The following PAPPA2 variants were observed in gnomAD, a reference collection of about 807,000 sequenced individuals.
The protein encoded by PAPPA2 is pappalysin 2, also known as pappalysin-2.
Under a neutral mutation model 176.4 loss-of-function variants are expected in PAPPA2, and 86 were observed. The ratio of observed to expected loss-of-function variants is 0.49; its 90% CI spans 0.41 to 0.58. The LOEUF (loss-of-function observed/expected upper bound fraction) is 0.58, where lower values mean the gene tolerates loss of function less well. Ranked by LOEUF, PAPPA2 falls within the 20% of genes least tolerant of loss-of-function variation. The probability of loss-of-function intolerance (pLI) is 0.00; values close to 1 mark genes in which losing one functional copy is unlikely to be tolerated. For synonymous variants in PAPPA2, 809 were observed against 852.2 expected, an observed-to-expected ratio of 0.95 and a Z score of 0.88; for missense variants, 2,073 against 2,256.9, an observed-to-expected ratio of 0.92 and a Z score of 1.65.
chr1:176,560,407 C>G (rs1573042230), intron 2 of PAPPA2, among the ~76,000 whole-genome samples: 1 of 152,236 alleles, frequency 6.6e-6, no homozygotes, highest in Admixed American at 6.5e-5. Context: ...GAACGTCTCT[C>G]TGGCCCTCAG....
At chr1:176,805,991 CAAAA>C (rs11439850) in intron 21 of PAPPA2, among the ~76,000 whole-genome samples, 1 of 76,636 alleles carries the variant, frequency 1.3e-5, no homozygotes. Flanking sequence ...CTGTCTCTCT[CAAAA>C]AAAAAAAAAA....
At chr1:176,566,457 G>C (rs1282270097) in intron 2 of PAPPA2, among the ~76,000 whole-genome samples, 1 of 151,888 alleles carries the variant, frequency 6.6e-6, no homozygotes, top group Non-Finnish European at 1.5e-5. Flanking sequence ...GCATCTCAGG[G>C]AGACAATGCA....
chr1:176,545,621 C>T (rs2102572836), intron 1 of PAPPA2, among the ~76,000 whole-genome samples: 1 of 152,052 alleles, frequency 6.6e-6, no homozygotes, highest in East Asian at 1.9e-4. Context: ...GGTTATATGC[C>T]AATACTACAT....
chr1:176,812,160 C>G (rs1288531847), intron 21 of PAPPA2, among the ~76,000 whole-genome samples: 2 of 151,636 alleles, frequency 1.3e-5, no homozygotes, highest in South Asian at 2.1e-4. Context: ...TCTGTTATCC[C>G]TTTTTCCTCC....
intron 2 of PAPPA2, among the ~76,000 whole-genome samples, chr1:176,579,947 A>G (rs1265514858): frequency 6.6e-6 from 1 of 152,254 alleles, no homozygotes; most frequent in Non-Finnish European, 1.5e-5. Context: ...TGAAGTATGT[A>G]GTGATCAAAT....
chr1:176,702,770 TGTGTGTGAGA>T, intron 9 of PAPPA2, 35 bp downstream of exon 9: 1 of 1,573,010 alleles, frequency 6.4e-7, no homozygotes, highest in African/African-American at 1.4e-5. Flanking sequence ...TGTGTGTGTG[TGTGTGTGAGA>T]GAGAGAGAGA....
intron 3 of PAPPA2, among the ~76,000 whole-genome samples, chr1:176,629,785 A>G (rs1400383239): frequency 1.3e-5 from 2 of 152,244 alleles, no homozygotes; most frequent in Non-Finnish European, 2.9e-5. Flanking sequence ...AAGGACAAAC[A>G]TAACTATTTT....
At chr1:176,570,694 G>C (rs1042432470) in intron 2 of PAPPA2, among the ~76,000 whole-genome samples, 5 of 150,266 alleles carry the variant, frequency 3.3e-5, no homozygotes, top group Non-Finnish European at 7.4e-5. Flanking sequence ...GCCATGGCTG[G>C]TCCCTGGCTG....
At chr1:176,772,582 T>C (rs1032197434) in intron 17 of PAPPA2, among the ~76,000 whole-genome samples, 2 of 152,090 alleles carry the variant, frequency 1.3e-5, no homozygotes, top group East Asian at 1.9e-4. Context: ...ACCAAGCCCA[T>C]ACCCTGCCCT....
At chr1:176,600,112 G>GACAC (rs1216819832) in intron 3 of PAPPA2, among the ~76,000 whole-genome samples, 2 of 152,132 alleles carry the variant, frequency 1.3e-5, no homozygotes, top group East Asian at 3.8e-4. Context: ...TAAGCAGAGG[G>GACAC]ACACACGTAA....
At chr1:176,658,433 GAAGT>G (rs2102754354) in intron 3 of PAPPA2, among the ~76,000 whole-genome samples, 1 of 152,012 alleles carries the variant, frequency 6.6e-6, no homozygotes, top group South Asian at 2.1e-4. Context: ...TAAATATCTA[GAAGT>G]AAGATCTTTA....
intron 12 of PAPPA2, among the ~76,000 whole-genome samples, chr1:176,736,276 C>T (rs1170352490): frequency 1.3e-5 from 2 of 151,828 alleles, no homozygotes; most frequent in Non-Finnish European, 2.9e-5. Context: ...GCTTGTCTTT[C>T]ATGTCTAGGA....
chr1:176,700,736 G>C (rs1558528918), intron 8 of PAPPA2, among the ~76,000 whole-genome samples: 3 of 152,152 alleles, frequency 2.0e-5, no homozygotes. Flanking sequence ...AGACTCAATG[G>C]GTGGCGAAAT....
chr1:176,543,872 A>T (rs1650491452), intron 1 of PAPPA2, among the ~76,000 whole-genome samples: 1 of 151,958 alleles, frequency 6.6e-6, no homozygotes, highest in Non-Finnish European at 1.5e-5. Context: ...GAAGTGGGCC[A>T]TCTCTCTTTC....
intron 12 of PAPPA2, among the ~76,000 whole-genome samples, chr1:176,737,441 G>T (rs1294495337): frequency 2.0e-5 from 3 of 152,054 alleles, no homozygotes; most frequent in Non-Finnish European, 4.4e-5. Context: ...ACACTTTCTT[G>T]TGCTAGTTGC....
intron 17 of PAPPA2, among the ~76,000 whole-genome samples, chr1:176,778,190 T>TA (rs11287389): frequency 4.0e-5 from 6 of 151,152 alleles, no homozygotes; most frequent in South Asian, 2.1e-4. Flanking sequence ...TTTATTAAAT[T>TA]AAAAAAAAAT....
intron 1 of PAPPA2, among the ~76,000 whole-genome samples, chr1:176,534,229 C>T (rs1262175155): frequency 6.6e-6 from 1 of 152,204 alleles, no homozygotes; most frequent in African/African-American, 2.4e-5. Flanking sequence ...CCTAGCATTT[C>T]TCCCCTGTCA....
chr1:176,577,106 A>G (rs1356073882), intron 2 of PAPPA2, among the ~76,000 whole-genome samples: 4 of 152,118 alleles, frequency 2.6e-5, no homozygotes, highest in African/African-American at 7.2e-5. Context: ...ATGACTAATA[A>G]TAATAACTGT....
chr1:176,719,613 T>C (rs1021540253), intron 12 of PAPPA2, among the ~76,000 whole-genome samples: 5 of 152,310 alleles, frequency 3.3e-5, no homozygotes, highest in Admixed American at 1.3e-4. Context: ...AACTTATTTT[T>C]TCATTTATAT....
Sources: allele counts gnomAD v4.1 joint callset (sites outside exome capture counted in the v4.1 genomes callset), GRCh38; gene constraint gnomAD v4.1.1; transcripts MANE v1.5; gene names NCBI Gene and HGNC (gene_info 2026-07-23, HGNC 2026-07-21).